The following DOCK9 variants were observed in gnomAD, a reference collection of about 807,000 sequenced individuals.
DOCK9 encodes dedicator of cytokinesis protein 9.
In DOCK9, 89 loss-of-function variants were observed where a neutral mutation model predicts 263.3. That is an observed-to-expected ratio of 0.34 (90% CI 0.28 to 0.40). DOCK9 has a LOEUF of 0.40. Among genes scored for constraint, DOCK9 ranks in the 10% least tolerant of loss-of-function variants. The pLI is 1.00. For synonymous variants in DOCK9, 976 were observed against 973.1 expected (o/e 1.00, Z -0.06); for missense variants, 2,140 against 2,603.4 (o/e 0.82, Z 3.87).
chr13:98,809,716 C>T (rs1330494855), intron 46 of DOCK9, among the ~76,000 whole-genome samples: 2 of 152,122 alleles, frequency 1.3e-5, no homozygotes, highest in Non-Finnish European at 2.9e-5. Flanking sequence ...AGTTAAGATG[C>T]GATGTCAGAG....
chr13:99,021,421 C>T (rs1424395499), intron 1 of DOCK9, among the ~76,000 whole-genome samples: 3 of 152,056 alleles, frequency 2.0e-5, no homozygotes, highest in South Asian at 2.1e-4. Context: ...GGATGGATCA[C>T]GAGGTCAGGT....
At chr13:98,817,538 C>T (rs1253046072) in intron 45 of DOCK9, among the ~76,000 whole-genome samples, 20 of 135,130 alleles carry the variant, frequency 1.5e-4, no homozygotes, top group Admixed American at 6.1e-4. Context: ...CATGATCCTC[C>T]AGCCTCTGCC....
intron 39 of DOCK9, among the ~76,000 whole-genome samples, chr13:98,835,445 A>G (rs780644515): frequency 2.5e-4 from 38 of 152,188 alleles, no homozygotes; most frequent in Non-Finnish European, 5.0e-4. Flanking sequence ...TGCACCATAC[A>G]TTCGCCCACC....
At chr13:99,009,217 A>G (rs1595895101) in intron 1 of DOCK9, among the ~76,000 whole-genome samples, 1 of 152,246 alleles carries the variant, frequency 6.6e-6, no homozygotes, top group African/African-American at 2.4e-5. Flanking sequence ...CATTGGCTGC[A>G]CTCAAAAGCA....
intron 1 of DOCK9, among the ~76,000 whole-genome samples, chr13:99,002,272 AGAG>A (rs1882493725): frequency 6.6e-6 from 1 of 152,088 alleles, no homozygotes; most frequent in Non-Finnish European, 1.5e-5. Context: ...CTCTGATGTG[AGAG>A]GAGGATCTAA....
rs1442576098 is a variant in DOCK9, at chr13:99,008,227, TATATATA to T, written c.130-52683_130-52677del. Reference sequence around the variant, plus strand: ...CTCTCTCTCTCTATATATATATATATATATATATTTTTTTTTTTTTTTGAGACGAAGT... The same window carrying T: ...CTCTCTCTCTCTATATATATATATATTTTTTTTTTTTTTTTGAGACGAAGT... On this transcript the variant is annotated intron_variant, in intron 1 of 32. Coordinates refer to the DOCK9 transcript ENST00000427887. 9.1e-5 allele frequency among the ~76,000 whole-genome samples: 11 copies of T among 121,296 alleles called. 1 individual carries two copies. Among genetic ancestry groups the T allele is most frequent in the Non-Finnish European group, 1.5e-4 (9 of 59,290 alleles). 79.6% of individuals were successfully genotyped at this position (121,296 alleles called of 152,430 possible).
At chr13:98,944,725 A>G (rs2056482727) in intron 2 of DOCK9, among the ~76,000 whole-genome samples, 1 of 152,204 alleles carries the variant, frequency 6.6e-6, no homozygotes, top group Non-Finnish European at 1.5e-5. Context: ...AAGGCGGGAG[A>G]ACCCTTTGAG....
At chr13:99,043,180 A>G (rs887040534) in intron 1 of DOCK9, among the ~76,000 whole-genome samples, 3 of 152,022 alleles carry the variant, frequency 2.0e-5, no homozygotes, top group Non-Finnish European at 4.4e-5. Flanking sequence ...TCTCAGGGTC[A>G]CATCTTCTTC....
chr13:98,883,052 T>C lies in DOCK9; in HGVS notation c.2549A>G (p.Lys850Arg). The C allele has an allele frequency of 6.2e-7, 1 of 1,613,674 alleles. No homozygotes were observed. The highest frequency in any genetic ancestry group is 2.2e-5 in the East Asian group (1 of 44,884). The change falls in exon 23 of 53, where the codon AAG (lysine) becomes AGG (arginine). Residue 850 changes from lysine to arginine, a missense_variant. Physicochemically the swap from Lys to Arg is conservative, Grantham distance 26. Transcript: ENST00000682017. Reference protein sequence around the residue: ...GAQALGNELVKYLKSLHAMEG... With the variant: ...GAQALGNELVRYLKSLHAMEG... Reference sequence around the variant, plus strand: ...AAAGCCATGTGATACCTTAAGGTACTTTACAAGTTCGTTTCCTAAGGCTTG... The same window carrying C: ...AAAGCCATGTGATACCTTAAGGTACCTTACAAGTTCGTTTCCTAAGGCTTG...
chr13:99,073,668 A>G (rs144133487), intron 1 of DOCK9, among the ~76,000 whole-genome samples: 4,210 of 152,280 alleles, frequency 0.028, 96 homozygotes, highest in South Asian at 0.063. Flanking sequence ...TGCACAAAAC[A>G]GTAGAGTTGG....
At chr13:98,919,545 G>A (rs928689535) in intron 7 of DOCK9, among the ~76,000 whole-genome samples, 5 of 152,244 alleles carry the variant, frequency 3.3e-5, no homozygotes, top group African/African-American at 1.2e-4. Flanking sequence ...ACAGAATCGA[G>A]CTACAGGCTG....
chr13:99,037,233 C>A (rs1042213508), intron 1 of DOCK9, among the ~76,000 whole-genome samples: 2 of 151,906 alleles, frequency 1.3e-5, no homozygotes, highest in South Asian at 2.1e-4. Flanking sequence ...AAATCACATA[C>A]CTGATTAAAG....
intron 13 of DOCK9, among the ~76,000 whole-genome samples, chr13:98,899,673 T>G (rs1595115894): frequency 6.6e-6 from 1 of 152,296 alleles, no homozygotes; most frequent in East Asian, 1.9e-4. Flanking sequence ...AGGTTCAAGA[T>G]TTTTTGGTTC....
chr13:98,872,989 G>A (rs796335273), intron 27 of DOCK9, among the ~76,000 whole-genome samples: 11 of 152,308 alleles, frequency 7.2e-5, no homozygotes, highest in African/African-American at 2.6e-4. Flanking sequence ...TGTTGCTGGG[G>A]GATGTGGGAC....
At chr13:98,967,373 C>G (rs371341019) in intron 1 of DOCK9, among the ~76,000 whole-genome samples, 2 of 152,270 alleles carry the variant, frequency 1.3e-5, no homozygotes, top group East Asian at 1.9e-4. Flanking sequence ...CTGGATTACA[C>G]GCATATTGTC....
intron 48 of DOCK9, among the ~76,000 whole-genome samples, chr13:98,806,565 A>C (rs1296901527): frequency 1.3e-5 from 2 of 152,252 alleles, no homozygotes; most frequent in Admixed American, 6.5e-5. Context: ...ATGAAAAAAC[A>C]GATGGAAAAG....
chr13:98,941,797 C>G (rs2055896901), intron 2 of DOCK9, among the ~76,000 whole-genome samples: 1 of 152,154 alleles, frequency 6.6e-6, no homozygotes, highest in Non-Finnish European at 1.5e-5. Flanking sequence ...AATAAAATGA[C>G]ATTCCCTAGA....
chr13:98,902,275 T>G lies in DOCK9; in HGVS notation c.1380+13A>C. On this transcript the variant is annotated intron_variant, in intron 12 of 52. Coordinates refer to ENST00000682017, the MANE Select transcript of DOCK9 (RefSeq NM_001366683.2). ...AGTCTGAGTAGTGGGAATGCTGGGC[T>G]CATACTCCCCACCTGCTTCGGATAC... 11 of 1,612,306 alleles carry G rather than the reference T, an allele frequency of 6.8e-6. No homozygotes were observed. Among genetic ancestry groups the G allele is most frequent in the Non-Finnish European group, 9.3e-6 (11 of 1,179,338 alleles).
intron 4 of DOCK9, among the ~76,000 whole-genome samples, chr13:98,925,021 G>A (rs767425446): frequency 3.9e-5 from 6 of 151,960 alleles, no homozygotes; most frequent in South Asian, 2.1e-4. Flanking sequence ...AAAATTAGCC[G>A]GGCGTGGTGG....
Sources: gnomAD v4.1 joint callset for allele counts (sites outside exome capture counted in the v4.1 genomes callset) on GRCh38, gnomAD v4.1.1 for gene constraint, MANE v1.5 for transcripts, NCBI Gene and HGNC (gene_info 2026-07-23, HGNC 2026-07-21) for gene names.